The following BICD1 variants were observed in gnomAD, a reference collection of about 807,000 sequenced individuals.
The protein encoded by BICD1 is protein bicaudal D homolog 1.
A neutral mutation model predicts 92.5 loss-of-function variants in BICD1; 35 were observed. The ratio of observed to expected loss-of-function variants is 0.38; its 90% confidence interval spans 0.29 to 0.50. The LOEUF (loss-of-function observed/expected upper bound fraction) is 0.50. BICD1 is among the 20% of genes least tolerant of loss of function. The probability of loss-of-function intolerance (pLI) is 0.93; values close to 1 mark genes in which losing one functional copy is unlikely to be tolerated. For synonymous variants in BICD1, 429 were observed against 465.1 expected (o/e 0.92, Z 1.00); for missense variants, 950 against 1,189.8 (o/e 0.80, Z 2.97).
chr12:32,332,817 A>G, intron 5 of BICD1: 1 of 961,678 alleles, frequency 1.0e-6, no homozygotes, highest in South Asian at 4.8e-5. Flanking sequence ...ATAGAATAAT[A>G]TATTCAGGGA....
chr12:32,203,135 A>G (rs1944954099), intron 1 of BICD1, among the ~76,000 whole-genome samples: 1 of 152,232 alleles, frequency 6.6e-6, no homozygotes, highest in African/African-American at 2.4e-5. Flanking sequence ...GAAATTGATT[A>G]TTCGTTCAGA....
intron 1 of BICD1, among the ~76,000 whole-genome samples, chr12:32,160,819 G>A (rs1156876709): frequency 6.6e-6 from 1 of 151,996 alleles, no homozygotes; most frequent in Non-Finnish European, 1.5e-5. Context: ...ACACACATGT[G>A]TGTTTTGTTT....
intron 1 of BICD1, among the ~76,000 whole-genome samples, chr12:32,112,263 C>T (rs1004822116): frequency 2.0e-5 from 3 of 152,214 alleles, no homozygotes; most frequent in African/African-American, 7.2e-5. Context: ...GCCTCAGCCT[C>T]CCAAAGTGCT....
At chr12:32,225,757 A>G (rs181011269) in intron 2 of BICD1, among the ~76,000 whole-genome samples, 32 of 150,316 alleles carry the variant, frequency 2.1e-4, no homozygotes, top group African/African-American at 7.6e-4. Context: ...AGTAGCTGGG[A>G]TTACAGGCAC....
At chr12:32,317,552 T>C (rs1318793522) in intron 4 of BICD1, among the ~76,000 whole-genome samples, 2 of 152,098 alleles carry the variant, frequency 1.3e-5, no homozygotes, top group African/African-American at 2.4e-5. Flanking sequence ...TTTGATGGGG[T>C]TGTTTGTTTT....
At chr12:32,287,926 C>A (rs571582313) in intron 2 of BICD1, among the ~76,000 whole-genome samples, 1 of 152,322 alleles carries the variant, frequency 6.6e-6, no homozygotes, top group East Asian at 1.9e-4. Context: ...TCCAAGATGG[C>A]CTTCCTCCCA....
intron 1 of BICD1, among the ~76,000 whole-genome samples, chr12:32,156,437 G>T (rs775821680): frequency 1.3e-5 from 2 of 152,184 alleles, no homozygotes; most frequent in Non-Finnish European, 2.9e-5. Flanking sequence ...GGCAGTCTTA[G>T]TTGGGGCTCA....
In BICD1 at chr12:32,305,935, C is replaced by T. The variant is rs1351328727; in HGVS notation, c.818C>T (p.Ala273Val). 1.2e-6 allele frequency: 2 copies of T among 1,614,176 alleles called. No homozygotes were observed. Among genetic ancestry groups the T allele is most frequent in the South Asian group, 2.2e-5 (2 of 91,082 alleles). Residue 273 changes from alanine (A) to valine (V), a missense_variant, in exon 4 of 10, where the codon GCC (alanine) becomes GTC (valine). Transcript: ENST00000652176. ...ATCTCAGTAGATGGACTCAAATTTG[C>T]CGAGGATGGGAGTGAACCAAACAAT... is the stretch of plus-strand genomic sequence containing the variant. ...ISISVDGLKF[A>V]EDGSEPNNDD...
Position 32,252,498 on chromosome 12 carries a change from G to A in BICD1, c.426+36039G>A, listed in dbSNP as rs566413299. On this transcript the variant is annotated intron_variant, in intron 2 of 9. Coordinates refer to ENST00000652176, the MANE Select transcript of BICD1 (RefSeq NM_001714.4). ...GCCTGTCCAGGAGGGTCTCCATCTG[G>A]AGACTATTCTCAGAGTTTGGGAGAT... Among the ~76,000 whole-genome samples the A allele has an allele frequency of 3.3e-5, 5 of 152,204 alleles. No homozygotes were observed. The South Asian group carries it at 1.0e-3, about 32-fold the overall frequency.
At chr12:32,123,282 C>T (rs1372864618) in intron 1 of BICD1, among the ~76,000 whole-genome samples, 1 of 152,148 alleles carries the variant, frequency 6.6e-6, no homozygotes. Context: ...GAGGGGGCCA[C>T]ATGATGTAGC....
intron 1 of BICD1, among the ~76,000 whole-genome samples, chr12:32,195,270 A>G (rs1361383510): frequency 6.6e-6 from 1 of 152,188 alleles, no homozygotes; most frequent in African/African-American, 2.4e-5. Flanking sequence ...CAATCCTAAT[A>G]TTTGTATGGA....
chr12:32,245,243 G>GTTTTTTTTTTTTTTT (rs201510925), intron 2 of BICD1, among the ~76,000 whole-genome samples: 1 of 119,884 alleles, frequency 8.3e-6, no homozygotes. Flanking sequence ...GCTTAGTTTT[G>GTTTTTTTTTTTTTTT]TTTTTTGTTT....
intron 1 of BICD1, among the ~76,000 whole-genome samples, chr12:32,122,784 A>G (rs1942202096): frequency 6.6e-6 from 1 of 152,234 alleles, no homozygotes; most frequent in Admixed American, 6.5e-5. Flanking sequence ...CTCTAGACCA[A>G]TGAGATTTTA....
intron 1 of BICD1, among the ~76,000 whole-genome samples, chr12:32,121,524 C>T (rs577929269): frequency 4.0e-5 from 6 of 151,456 alleles, no homozygotes; most frequent in East Asian, 2.0e-4. Flanking sequence ...ACCTGGGAGG[C>T]GGAGGTTGCA....
At chr12:32,303,515 C>T (rs929499397) in intron 3 of BICD1, among the ~76,000 whole-genome samples, 5 of 152,130 alleles carry the variant, frequency 3.3e-5, no homozygotes, top group East Asian at 1.9e-4. Context: ...CACTCCTCCT[C>T]GCAGCCAAAT....
In BICD1 at chr12:32,327,318, A is replaced by G. The variant is rs577348588; in HGVS notation, c.1006-143A>G. On this transcript the variant is annotated intron_variant, in intron 4 of 9. Transcript: ENST00000652176. ...ACTTACCAGAACTGCTGAAATAAAA[A>G]ACACTCCAATTTAATTTGAAATAGT... 96 of 1,042,134 alleles carry G rather than the reference A, an allele frequency of 9.2e-5. 1 individual carries two copies. The Admixed American group carries it at 1.9e-3, about 20-fold the overall frequency. The allele number at this position is 1,042,134 out of a possible 1,614,324, so 64.6% of individuals were successfully genotyped here.
chr12:32,206,984 C>T (rs1945075886), intron 1 of BICD1, among the ~76,000 whole-genome samples: 1 of 152,092 alleles, frequency 6.6e-6, no homozygotes, highest in Non-Finnish European at 1.5e-5. Context: ...TATTAAATAG[C>T]ATTTTATTTA....
chr12:32,180,469 A>C (rs1212504405), intron 1 of BICD1, among the ~76,000 whole-genome samples: 1 of 151,894 alleles, frequency 6.6e-6, no homozygotes, highest in African/African-American at 2.4e-5. Context: ...CAAATTTTTA[A>C]TTTCTGAACT....
At chr12:32,224,145 G>C (rs1945616478) in intron 2 of BICD1, among the ~76,000 whole-genome samples, 1 of 152,188 alleles carries the variant, frequency 6.6e-6, no homozygotes, top group Admixed American at 6.5e-5. Flanking sequence ...ATAGCTGAGT[G>C]AAGCGGACAC....
Sources: allele counts gnomAD v4.1 joint callset (sites outside exome capture counted in the v4.1 genomes callset), GRCh38; gene constraint gnomAD v4.1.1; transcripts MANE v1.5; gene names NCBI Gene and HGNC (gene_info 2026-07-23, HGNC 2026-07-21).